MACROD2: variants seen among roughly 807,000 people sequenced by gnomAD.
The protein encoded by MACROD2 is mono-ADP ribosylhydrolase 2, also known as ADP-ribose glycohydrolase MACROD2.
In MACROD2, 36 loss-of-function variants were observed where a neutral mutation model predicts 70.4. The ratio of observed to expected loss-of-function variants is 0.51; its 90% CI spans 0.39 to 0.68. MACROD2 has a LOEUF of 0.68. MACROD2 is among the 30% of genes least tolerant of loss of function. The pLI is 0.00. For synonymous variants in MACROD2, 172 were observed against 178.8 expected, an observed-to-expected ratio of 0.96 and a Z score of 0.30; for missense variants, 496 against 538.4, an observed-to-expected ratio of 0.92 and a Z score of 0.78.
rs577509033 is a variant in MACROD2, at chr20:14,947,723, A to G, written c.418+262764A>G. Among the ~76,000 whole-genome samples the G allele has an allele frequency of 3.4e-3, 514 of 152,238 alleles. 3 individuals are homozygous for G. The highest frequency in any genetic ancestry group is 0.013 in the South Asian group (61 of 4,824). ...AGGGAATGCTAATGCTGCTGGCCCT[A>G]AAACTGCAGAATGACCACTGACCTA... is the stretch of plus-strand genomic sequence containing the variant. On this transcript the variant is annotated intron_variant, in intron 5 of 17. Coordinates refer to ENST00000684519, the MANE Select transcript of MACROD2 (RefSeq NM_001351661.2).
chr20:15,467,918 T>C (rs2208133), intron 7 of MACROD2, among the ~76,000 whole-genome samples: 107,373 of 152,062 alleles, frequency 0.71, 38,685 homozygotes, highest in East Asian at 0.89. Context: ...GATGTTAAGA[T>C]TGTATGCTAC....
At chr20:14,957,825 G>C (rs1312534790) in intron 5 of MACROD2, among the ~76,000 whole-genome samples, 1 of 152,008 alleles carries the variant, frequency 6.6e-6, no homozygotes, top group Non-Finnish European at 1.5e-5. Flanking sequence ...CTCCATCCTT[G>C]TTATTTTTTA....
At chr20:15,567,203 A>G (rs996613422) in intron 8 of MACROD2, among the ~76,000 whole-genome samples, 3 of 152,074 alleles carry the variant, frequency 2.0e-5, no homozygotes, top group Non-Finnish European at 4.4e-5. Context: ...GAACTTTCCC[A>G]TGAATAAGTA....
At chr20:15,553,110 C>G (rs2048120836) in intron 8 of MACROD2, among the ~76,000 whole-genome samples, 1 of 152,184 alleles carries the variant, frequency 6.6e-6, no homozygotes, top group Non-Finnish European at 1.5e-5. Flanking sequence ...GATCTATTAA[C>G]AGGCAACTGG....
chr20:15,461,392 C>T (rs1381995457), intron 7 of MACROD2, among the ~76,000 whole-genome samples: 5 of 152,060 alleles, frequency 3.3e-5, no homozygotes, highest in South Asian at 4.1e-4. Flanking sequence ...AGTCTTAACA[C>T]GTTCTGTTTA....
intron 4 of MACROD2, among the ~76,000 whole-genome samples, chr20:14,626,652 T>C (rs1386326036): frequency 6.6e-6 from 1 of 152,156 alleles, no homozygotes; most frequent in Non-Finnish European, 1.5e-5. Context: ...TTCAGGTTCC[T>C]CATACCCAGA....
chr20:14,078,487 A>C (rs964714819), intron 2 of MACROD2, among the ~76,000 whole-genome samples: 1 of 151,468 alleles, frequency 6.6e-6, no homozygotes, highest in African/African-American at 2.4e-5. Context: ...GCTCACTGCA[A>C]CCTCCACCTC....
chr20:15,369,230 T>G lies in MACROD2; in HGVS notation c.541-62175T>G, dbSNP rs146803464. 1.6e-3 allele frequency among the ~76,000 whole-genome samples: 241 copies of G among 152,324 alleles called. 2 individuals are homozygous for G. The highest frequency in any genetic ancestry group is 5.5e-3 in the African/African-American group (229 of 41,580). On this transcript the variant is annotated intron_variant, in intron 6 of 17. Coordinates refer to ENST00000684519, the MANE Select transcript of MACROD2 (RefSeq NM_001351661.2). ...AAGAGCAAATAGCTATGTTATAAAA[T>G]GAGAATATGCAAATAATAAAATGGA...
At chr20:15,936,329 G>A (rs942932032) in intron 11 of MACROD2, among the ~76,000 whole-genome samples, 5 of 142,900 alleles carry the variant, frequency 3.5e-5, no homozygotes, top group Admixed American at 1.4e-4. Context: ...ATGTAGTATC[G>A]GAATATGTAT....
chr20:15,104,327 T>A (rs890902605), intron 5 of MACROD2, among the ~76,000 whole-genome samples: 2 of 152,114 alleles, frequency 1.3e-5, no homozygotes, highest in Admixed American at 6.6e-5. Context: ...TTGGTGAATA[T>A]CCACAGCAAG....
At chr20:14,619,131 C>A (rs1983653493) in intron 4 of MACROD2, among the ~76,000 whole-genome samples, 1 of 151,854 alleles carries the variant, frequency 6.6e-6, no homozygotes, top group Non-Finnish European at 1.5e-5. Flanking sequence ...CATTTGCTTG[C>A]TTCTTCAGAA....
At chr20:15,822,841 A>C (rs2063954200) in intron 8 of MACROD2, among the ~76,000 whole-genome samples, 1 of 152,200 alleles carries the variant, frequency 6.6e-6, no homozygotes. Flanking sequence ...ACAGCAGATA[A>C]GGGAGGAAGA....
chr20:14,718,198 CAGG>C (rs1600581485), intron 5 of MACROD2, among the ~76,000 whole-genome samples: 1 of 138,142 alleles, frequency 7.2e-6, no homozygotes, highest in East Asian at 2.4e-4. Flanking sequence ...GAGGCTGAGG[CAGG>C]AGAATTGCTT....
At chr20:15,150,259 C>G (rs966537980) in intron 5 of MACROD2, among the ~76,000 whole-genome samples, 3 of 151,762 alleles carry the variant, frequency 2.0e-5, no homozygotes, top group African/African-American at 7.3e-5. Context: ...CAAGTGAAAG[C>G]GAAGAGAGGC....
At chr20:15,099,318 G>A (rs2075855300) in intron 5 of MACROD2, among the ~76,000 whole-genome samples, 1 of 152,122 alleles carries the variant, frequency 6.6e-6, no homozygotes, top group South Asian at 2.1e-4. Flanking sequence ...AGGTTGTGAG[G>A]ATGGGGCCCC....
At chr20:15,811,193 C>T (rs1460441556) in intron 8 of MACROD2, among the ~76,000 whole-genome samples, 6 of 151,926 alleles carry the variant, frequency 3.9e-5, no homozygotes, top group Non-Finnish European at 7.4e-5. Flanking sequence ...ACTCATCTGA[C>T]AAAGGGCTAA....
At chr20:14,984,134 T>A (rs1031486585) in intron 5 of MACROD2, among the ~76,000 whole-genome samples, 1 of 152,192 alleles carries the variant, frequency 6.6e-6, no homozygotes, top group Non-Finnish European at 1.5e-5. Context: ...CTGTGATTGG[T>A]TTGCTTTTTT....
intron 2 of MACROD2, among the ~76,000 whole-genome samples, chr20:14,018,145 T>C (rs2053019755): frequency 1.3e-5 from 2 of 152,202 alleles, no homozygotes; most frequent in Admixed American, 1.3e-4. Context: ...CTTTAATTTC[T>C]GATCATAGTA....
At chr20:14,340,534 C>T (rs6042679) in intron 3 of MACROD2, among the ~76,000 whole-genome samples, 10,832 of 137,988 alleles carry the variant, frequency 0.078, 631 homozygotes, top group African/African-American at 0.18. Flanking sequence ...AGTAATTTTA[C>T]AGTCAGTAAA....
Sources: allele counts gnomAD v4.1 joint callset (sites outside exome capture counted in the v4.1 genomes callset), GRCh38; gene constraint gnomAD v4.1.1; transcripts MANE v1.5; gene names NCBI Gene and HGNC (gene_info 2026-07-23, HGNC 2026-07-21).